Variants in GALNT1 observed in about 807,000 individuals in gnomAD.
The protein encoded by GALNT1 is polypeptide N-acetylgalactosaminyltransferase 1.
Under a neutral mutation model 65.7 loss-of-function variants are expected in GALNT1, and 17 were observed. The ratio of observed to expected loss-of-function variants is 0.26; its 90% CI spans 0.18 to 0.39. The LOEUF is 0.39. Ranked by LOEUF, GALNT1 falls within the 10% of genes least tolerant of loss-of-function variation. The pLI is 1.00. For missense variants in GALNT1, 460 were observed against 672.8 expected (o/e 0.68, Z 3.50); for synonymous variants, 210 against 219.7 (o/e 0.96, Z 0.39).
At chr18:35,604,269 G>A (rs2081307) in intron 1 of GALNT1, among the ~76,000 whole-genome samples, 15,878 of 152,042 alleles carry the variant, frequency 0.1, 1,082 homozygotes, top group African/African-American at 0.2. Context: ...AAATGGCTGC[G>A]TGGTACTCCA....
chr18:35,665,349 C>T (rs2047534689), intron 3 of GALNT1, among the ~76,000 whole-genome samples: 1 of 151,906 alleles, frequency 6.6e-6, no homozygotes, highest in Non-Finnish European at 1.5e-5. Flanking sequence ...AAGAGATGGA[C>T]AACAGTAAAA....
chr18:35,661,873 A>T (rs2047482221), intron 2 of GALNT1, among the ~76,000 whole-genome samples: 1 of 152,210 alleles, frequency 6.6e-6, no homozygotes, highest in African/African-American at 2.4e-5. Context: ...TGATTTTTCT[A>T]TAAAGCATTT....
At chr18:35,639,598 G>A (rs967931214) in intron 1 of GALNT1, among the ~76,000 whole-genome samples, 2 of 152,048 alleles carry the variant, frequency 1.3e-5, no homozygotes, top group Non-Finnish European at 2.9e-5. Flanking sequence ...CAACAATATA[G>A]TAGACATAAA....
chr18:35,692,109 T>G (rs1238985499), intron 8 of GALNT1, 72 bp from the exon 9 acceptor site: 2 of 1,342,220 alleles, frequency 1.5e-6, no homozygotes, highest in East Asian at 4.8e-5. Flanking sequence ...TCTGGCTTAT[T>G]AGATTCAATA....
intron 1 of GALNT1, among the ~76,000 whole-genome samples, chr18:35,645,383 G>A (rs1283766938): frequency 4.0e-5 from 6 of 151,838 alleles, no homozygotes; most frequent in African/African-American, 1.2e-4. Context: ...ACAGGCGCCC[G>A]CCACCATGCC....
At chr18:35,630,493 C>T (rs1363956042) in intron 1 of GALNT1, among the ~76,000 whole-genome samples, 1 of 152,154 alleles carries the variant, frequency 6.6e-6, no homozygotes, top group Non-Finnish European at 1.5e-5. Flanking sequence ...TAAAGATGTT[C>T]TTTGAAACCA....
chr18:35,667,401 G>A (rs1291526706), intron 3 of GALNT1, among the ~76,000 whole-genome samples: 1 of 151,976 alleles, frequency 6.6e-6, no homozygotes, highest in Non-Finnish European at 1.5e-5. Flanking sequence ...CCCAAGCAAA[G>A]ACAAAACATT....
intron 1 of GALNT1, among the ~76,000 whole-genome samples, chr18:35,606,833 GT>G (rs2046655307): frequency 8.8e-6 from 1 of 113,928 alleles, no homozygotes; most frequent in African/African-American, 3.5e-5. Flanking sequence ...GTGTGTGTGT[GT>G]GTGTGTGTGT....
At chr18:35,591,533 G>A (rs969132810) in intron 1 of GALNT1, among the ~76,000 whole-genome samples, 3 of 152,174 alleles carry the variant, frequency 2.0e-5, no homozygotes, top group South Asian at 2.1e-4. Flanking sequence ...CCATGGCTGT[G>A]CATTTAATGT....
rs2047510629 is a variant in GALNT1, at chr18:35,663,941, T to C, written c.314+139T>C. 15 of 700,468 alleles carry C rather than the reference T, an allele frequency of 2.1e-5. No homozygotes were observed. In the South Asian group the frequency reaches 2.7e-4, roughly 13 times the overall value. 43.4% of individuals were successfully genotyped at this position (700,468 alleles called of 1,614,324 possible). A position where few individuals can be genotyped will look rare whatever the true frequency, so the allele number is the denominator to read the frequency against. On this transcript the variant is annotated intron_variant, in intron 3 of 11. Transcript: ENST00000269195. ...ACTACTTACCCCACTTAGAAAATAA[T>C]TAAATGCTGATAGAAATAATATCTC...
intron 1 of GALNT1, among the ~76,000 whole-genome samples, chr18:35,584,529 G>C (rs1442644436): frequency 1.3e-5 from 2 of 152,212 alleles, no homozygotes; most frequent in Non-Finnish European, 2.9e-5. Context: ...CAACTTCGTA[G>C]AAGAGAGTTA....
chr18:35,594,860 G>C (rs879099842), intron 1 of GALNT1, among the ~76,000 whole-genome samples: 1 of 152,250 alleles, frequency 6.6e-6, no homozygotes, highest in African/African-American at 2.4e-5. Flanking sequence ...GTAGTTTAAG[G>C]TATAGACAGG....
chr18:35,585,203 A>C (rs971751510), intron 1 of GALNT1, among the ~76,000 whole-genome samples: 27 of 151,924 alleles, frequency 1.8e-4, no homozygotes, highest in Admixed American at 1.6e-3. Flanking sequence ...TTCTTATCCC[A>C]TTTTTATGTT....
At chr18:35,692,420 CT>C in intron 9 of GALNT1, 100 bp downstream of exon 9, 1 of 692,336 alleles carries the variant, frequency 1.4e-6, no homozygotes, top group Non-Finnish European at 2.1e-6. Context: ...AGGAAAGTAC[CT>C]TCATGTTAAC....
chr18:35,595,550 A>G (rs917054358), intron 1 of GALNT1, among the ~76,000 whole-genome samples: 3 of 152,172 alleles, frequency 2.0e-5, no homozygotes, highest in African/African-American at 7.2e-5. Flanking sequence ...CTGCGTGTCC[A>G]CTCTCTGCCC....
intron 1 of GALNT1, among the ~76,000 whole-genome samples, chr18:35,613,669 C>T (rs568443241): frequency 5.9e-5 from 9 of 152,290 alleles, no homozygotes; most frequent in African/African-American, 2.2e-4. Flanking sequence ...CTGAAGCTCC[C>T]TGAAAGCTGT....
rs150420419 is a variant in GALNT1, at chr18:35,685,800, C to T, written c.690-1216C>T. Among the ~76,000 whole-genome samples, 4 of 152,372 alleles carry T rather than the reference C, an allele frequency of 2.6e-5. No individual in the cohort carries two copies. In the East Asian group the frequency reaches 7.7e-4, roughly 29 times the overall value. Reference sequence around the variant, plus strand: ...AGAAAAGTTCAGGCTAGAGCAGTGGCTCACGCCTGTAATCCCAGCTCTTTG... The same window carrying T: ...AGAAAAGTTCAGGCTAGAGCAGTGGTTCACGCCTGTAATCCCAGCTCTTTG... On this transcript the variant is annotated intron_variant, in intron 5 of 11. Transcript: ENST00000269195.
chr18:35,681,449 G>A (rs1415639373), intron 4 of GALNT1, among the ~76,000 whole-genome samples: 1 of 151,804 alleles, frequency 6.6e-6, no homozygotes, highest in Non-Finnish European at 1.5e-5. Context: ...ATTTGTGGAA[G>A]AGCAAATTTT....
chr18:35,627,854 C>T (rs933787084), intron 1 of GALNT1, among the ~76,000 whole-genome samples: 2 of 152,146 alleles, frequency 1.3e-5, no homozygotes, highest in Non-Finnish European at 2.9e-5. Flanking sequence ...CCTGGAACAT[C>T]GGGTCACTCC....
Sources: gnomAD v4.1 joint callset for allele counts (sites outside exome capture counted in the v4.1 genomes callset) on GRCh38, gnomAD v4.1.1 for gene constraint, MANE v1.5 for transcripts, NCBI Gene and HGNC (gene_info 2026-07-23, HGNC 2026-07-21) for gene names.